Variants in RELL1 observed in about 807,000 individuals in gnomAD.
The protein encoded by RELL1 is RELT-like protein 1.
In RELL1, 10 loss-of-function variants were observed where a neutral mutation model predicts 23.0. The observed-to-expected ratio is 0.43, with a 90% CI of 0.27 to 0.74. The LOEUF (loss-of-function observed/expected upper bound fraction) is 0.74, where lower values mean the gene tolerates loss of function less well. RELL1 is among the 30% of genes least tolerant of loss of function. The pLI, the probability that RELL1 is intolerant of heterozygous loss-of-function variation, is 0.19. For missense variants in RELL1, 315 were observed against 364.4 expected (o/e 0.86, Z 1.10); for synonymous variants, 146 against 146.8 (o/e 0.99, Z 0.04).
intron 1 of RELL1, among the ~76,000 whole-genome samples, chr4:37,654,912 T>C (rs1055944487): frequency 1.3e-5 from 2 of 152,232 alleles, no homozygotes; most frequent in African/African-American, 4.8e-5. Context: ...ACCAAAATGC[T>C]AAGTGATTCT....
chr4:37,636,551 C>T (rs1358186214), intron 4 of RELL1, among the ~76,000 whole-genome samples: 9 of 149,622 alleles, frequency 6.0e-5, no homozygotes, highest in Non-Finnish European at 8.9e-5. Context: ...GCCTAGATCG[C>T]GCCACTGCAC....
intron 6 of RELL1, among the ~76,000 whole-genome samples, chr4:37,617,181 T>C (rs1431200497): frequency 1.3e-5 from 2 of 152,166 alleles, no homozygotes; most frequent in Admixed American, 6.5e-5. Context: ...ACCAAAAACT[T>C]CAGATTCCTT....
At chr4:37,604,583 C>A (rs1306017380) in intron 6 of RELL1, among the ~76,000 whole-genome samples, 5 of 151,826 alleles carry the variant, frequency 3.3e-5, no homozygotes, top group Non-Finnish European at 7.4e-5. Context: ...GCTGTCTATA[C>A]ATTTTAAAAA....
rs757740077 is a variant in RELL1, at chr4:37,649,470, C to T, written c.119G>A (p.Arg40Lys). 4 of 1,614,034 alleles carry T rather than the reference C, an allele frequency of 2.5e-6. No individual in the cohort carries two copies. Among genetic ancestry groups the T allele is most frequent in the Non-Finnish European group, 2.5e-6 (3 of 1,179,936 alleles). Residue 40 changes from arginine (R) to lysine (K), a missense_variant, in exon 2 of 7, where the codon AGA becomes AAA. Physicochemically the swap from Arg to Lys is conservative, Grantham distance 26. Transcript: ENST00000454158. ...GCTGGGCGACGGGGTCGTCTCTGTT[C>T]TGGAGTGCAATGTGCGGCTGCTCCC... ...DNGSSRTLHS[R>K]TETTPSPSND...
At chr4:37,670,000 T>A (rs1396057939) in intron 1 of RELL1, among the ~76,000 whole-genome samples, 3 of 125,672 alleles carry the variant, frequency 2.4e-5, no homozygotes, top group Admixed American at 9.3e-5. Context: ...CCCTGCCAAA[T>A]CCCCCTCTGC....
At chr4:37,635,256 ACTTTGTGAAC>A in intron 4 of RELL1, 133 bp from the exon 5 acceptor site, 1 of 685,494 alleles carries the variant, frequency 1.5e-6, no homozygotes, top group Non-Finnish European at 2.5e-6. Flanking sequence ...GTACAAATGG[ACTTTGTGAAC>A]AGACCTCAGA....
chr4:37,638,577 T>C, intron 3 of RELL1, 73 bp from the exon 4 acceptor site: 1 of 1,128,344 alleles, frequency 8.9e-7, no homozygotes, highest in Non-Finnish European at 1.3e-6. Flanking sequence ...GAAAAGCTGT[T>C]GAAAACACAT....
At chr4:37,590,446 C>T (rs765677047), downstream of RELL1, 3 of 1,610,664 alleles carry the variant, frequency 1.9e-6, no homozygotes, top group Non-Finnish European at 2.5e-6. Context: ...AAATACTGTT[C>T]CCCCAACTCA....
intron 1 of RELL1, among the ~76,000 whole-genome samples, chr4:37,679,297 C>G (rs1722125850): frequency 6.6e-6 from 1 of 152,176 alleles, no homozygotes; most frequent in African/African-American, 2.4e-5. Flanking sequence ...TAAACAAAAT[C>G]TTAGTTTTTT....
chr4:37,617,769 T>A (rs1719622686), intron 6 of RELL1, among the ~76,000 whole-genome samples: 1 of 152,196 alleles, frequency 6.6e-6, no homozygotes, highest in South Asian at 2.1e-4. Flanking sequence ...TGTGACAGAG[T>A]GAGACTCCGT....
chr4:37,604,471 A>G (rs949873322), intron 6 of RELL1, among the ~76,000 whole-genome samples: 2 of 152,108 alleles, frequency 1.3e-5, no homozygotes, highest in Non-Finnish European at 2.9e-5. Flanking sequence ...TCCTCAGCAT[A>G]AGCTGTTATT....
downstream of RELL1, among the ~76,000 whole-genome samples, chr4:37,605,801 A>AAG (rs1377629667): frequency 0.019 from 1,823 of 95,296 alleles, 18 homozygotes; most frequent in Middle Eastern, 0.043. Context: ...AAGAGAAAGA[A>AAG]AGAAAGAAAG....
intron 1 of RELL1, among the ~76,000 whole-genome samples, chr4:37,664,639 CAT>C (rs1342950542): frequency 2.0e-5 from 3 of 152,036 alleles, no homozygotes; most frequent in Admixed American, 6.6e-5. Flanking sequence ...CAATCATACA[CAT>C]GAGATAGGGA....
chr4:37,631,527 AG>A lies in RELL1; in HGVS notation c.681-5del, dbSNP rs753875561. On this transcript the variant is annotated splice_polypyrimidine_tract_variant and splice_region_variant and intron_variant, in intron 5 of 6. Coordinates refer to ENST00000454158, the MANE Select transcript of RELL1 (RefSeq NM_001085400.2). ...CTCCACTTTTGTAACTCTAAATCTG[AG>A]GGGGGAATGGGGAGAGGTGATGGGG... The A allele has an allele frequency of 3.8e-5, 61 of 1,613,334 alleles. No homozygotes were observed. The South Asian group carries it at 4.8e-4, about 13-fold the overall frequency.
chr4:37,654,924 G>A (rs894764300), intron 1 of RELL1, among the ~76,000 whole-genome samples: 3 of 151,554 alleles, frequency 2.0e-5, no homozygotes, highest in East Asian at 1.9e-4. Context: ...AGTGATTCTC[G>A]GTACTAAAAT....
downstream of RELL1, among the ~76,000 whole-genome samples, chr4:37,605,801 A>G (rs71624463): frequency 0.29 from 27,085 of 94,914 alleles, 4,377 homozygotes; most frequent in Middle Eastern, 0.44. Context: ...AAGAGAAAGA[A>G]AGAAAGAAAG....
chr4:37,631,533 G>T lies in RELL1; in HGVS notation c.681-10C>A. 1 of 1,613,416 alleles carries T rather than the reference G, an allele frequency of 6.2e-7. No homozygotes were observed. The highest frequency in any genetic ancestry group is 8.5e-7 in the Non-Finnish European group (1 of 1,179,772). ...TTTTGTAACTCTAAATCTGAGGGGG[G>T]AATGGGGAGAGGTGATGGGGTTTGC... On this transcript the variant is annotated splice_polypyrimidine_tract_variant and intron_variant, in intron 5 of 6. Coordinates refer to ENST00000454158, the MANE Select transcript of RELL1 (RefSeq NM_001085400.2).
At chr4:37,649,101 G>A (rs556513131) in intron 2 of RELL1, among the ~76,000 whole-genome samples, 175 bp downstream of exon 2, 1 of 152,352 alleles carries the variant, frequency 6.6e-6, no homozygotes, top group African/African-American at 2.4e-5. Flanking sequence ...ATTCAGTAAT[G>A]AAAGCAAGTT....
chr4:37,682,180 C>G (rs1460461600), intron 1 of RELL1, among the ~76,000 whole-genome samples: 1 of 152,190 alleles, frequency 6.6e-6, no homozygotes, highest in East Asian at 1.9e-4. Flanking sequence ...CGCCTGCACA[C>G]AAACCAGGTA....
Sources: allele counts gnomAD v4.1 joint callset (sites outside exome capture counted in the v4.1 genomes callset), GRCh38; gene constraint gnomAD v4.1.1; transcripts MANE v1.5; gene names NCBI Gene and HGNC (gene_info 2026-07-23, HGNC 2026-07-21).